The following RBMS3 variants were observed in gnomAD, a reference collection of about 807,000 sequenced individuals.
RBMS3 encodes the protein RNA-binding motif, single-stranded-interacting protein 3.
A neutral mutation model predicts 66.8 loss-of-function variants in RBMS3; 27 were observed. That is an observed-to-expected ratio of 0.40 (90% CI 0.30 to 0.56). RBMS3 has a LOEUF of 0.56. RBMS3 is among the 20% of genes least tolerant of loss of function. The pLI is 0.40. For missense variants in RBMS3, 513 were observed against 549.5 expected (o/e 0.93, Z 0.66); for synonymous variants, 188 against 183.0 (o/e 1.03, Z -0.22).
chr3:29,541,871 C>T (rs1270022318), intron 3 of RBMS3, among the ~76,000 whole-genome samples: 2 of 152,070 alleles, frequency 1.3e-5, no homozygotes, highest in African/African-American at 2.4e-5. Flanking sequence ...GCTTCAATGC[C>T]CCTCCTTGGT....
chr3:29,292,055 A>G (rs992704559), intron 1 of RBMS3, among the ~76,000 whole-genome samples: 2 of 151,694 alleles, frequency 1.3e-5, no homozygotes, highest in East Asian at 1.9e-4. Context: ...CCATCCCCCA[A>G]TGCTGGAGGG....
chr3:29,451,207 C>A (rs2042007929), intron 2 of RBMS3, among the ~76,000 whole-genome samples: 1 of 152,188 alleles, frequency 6.6e-6, no homozygotes, highest in African/African-American at 2.4e-5. Flanking sequence ...AGAACCAACA[C>A]TTTACAGAAA....
At chr3:29,403,377 T>A (rs1004082269) in intron 1 of RBMS3, among the ~76,000 whole-genome samples, 1 of 152,088 alleles carries the variant, frequency 6.6e-6, no homozygotes, top group African/African-American at 2.4e-5. Flanking sequence ...TCACTTTAAG[T>A]TGAGATGTGG....
intron 1 of RBMS3, among the ~76,000 whole-genome samples, chr3:29,404,357 T>C (rs2039928476): frequency 6.6e-6 from 1 of 152,128 alleles, no homozygotes; most frequent in Non-Finnish European, 1.5e-5. Context: ...AGTGAGAACA[T>C]ATTACATGAT....
chr3:29,858,068 TAAAC>T (rs2059125404), intron 6 of RBMS3, among the ~76,000 whole-genome samples: 2 of 152,106 alleles, frequency 1.3e-5, no homozygotes, highest in South Asian at 4.1e-4. Context: ...AAGAACTAAA[TAAAC>T]AAATTGGTAG....
intron 2 of RBMS3, among the ~76,000 whole-genome samples, chr3:29,443,147 T>C (rs1046965730): frequency 5.9e-5 from 9 of 152,112 alleles, no homozygotes; most frequent in Non-Finnish European, 1.3e-4. Flanking sequence ...CTTTAAGGGA[T>C]CCCACTATTC....
intron 6 of RBMS3, among the ~76,000 whole-genome samples, chr3:29,764,845 A>G (rs760105585): frequency 6.6e-5 from 10 of 152,006 alleles, no homozygotes; most frequent in African/African-American, 1.4e-4. Flanking sequence ...GCTACACCCA[A>G]TGGAAACATT....
intron 1 of RBMS3, among the ~76,000 whole-genome samples, chr3:29,364,492 A>G (rs2037785941): frequency 6.6e-6 from 1 of 152,192 alleles, no homozygotes; most frequent in South Asian, 2.1e-4. Flanking sequence ...TAAGAAGACA[A>G]CCTAAATATA....
At chr3:29,402,111 A>G (rs995828213) in intron 1 of RBMS3, among the ~76,000 whole-genome samples, 4 of 151,986 alleles carry the variant, frequency 2.6e-5, no homozygotes, top group South Asian at 2.1e-4. Context: ...GACTTTTTAC[A>G]TTGACGGTGA....
intron 2 of RBMS3, among the ~76,000 whole-genome samples, chr3:29,444,729 G>C (rs1463985790): frequency 7.1e-6 from 1 of 141,362 alleles, no homozygotes; most frequent in Non-Finnish European, 1.5e-5. Flanking sequence ...CAAGCTAAAA[G>C]CCATTTGAAG....
intron 4 of RBMS3, among the ~76,000 whole-genome samples, chr3:29,658,001 T>G (rs1294996133): frequency 6.6e-6 from 1 of 152,172 alleles, no homozygotes. Context: ...TGTCTGTCTT[T>G]AGGCCGTAGA....
intron 10 of RBMS3, among the ~76,000 whole-genome samples, chr3:29,907,755 C>G (rs1398443997): frequency 1.3e-5 from 2 of 151,734 alleles, no homozygotes; most frequent in Admixed American, 6.6e-5. Flanking sequence ...GGAATAATTC[C>G]TTTTTCTCTA....
intron 13 of RBMS3, among the ~76,000 whole-genome samples, chr3:29,990,513 A>C (rs1698782786): frequency 6.6e-6 from 1 of 151,860 alleles, no homozygotes; most frequent in Non-Finnish European, 1.5e-5. Context: ...ACCAAAATTA[A>C]GGACAAGTTT....
intron 4 of RBMS3, among the ~76,000 whole-genome samples, chr3:29,662,031 T>C (rs1391860639): frequency 4.6e-5 from 7 of 152,238 alleles, no homozygotes; most frequent in Non-Finnish European, 1.0e-4. Context: ...TTTATCATTT[T>C]ATTATAATTG....
intron 4 of RBMS3, among the ~76,000 whole-genome samples, chr3:29,696,154 GCATC>G (rs1208320566): frequency 6.6e-6 from 1 of 152,160 alleles, no homozygotes; most frequent in Non-Finnish European, 1.5e-5. Context: ...ACACTCACAG[GCATC>G]CAATTCAAGC....
chr3:29,813,369 TAAGA>T (rs1271568176), intron 6 of RBMS3, among the ~76,000 whole-genome samples: 1 of 152,194 alleles, frequency 6.6e-6, no homozygotes, highest in East Asian at 1.9e-4. Flanking sequence ...GATGTTTTAC[TAAGA>T]AAGTACTGAT....
chr3:29,324,499 C>A (rs144825424), intron 1 of RBMS3, among the ~76,000 whole-genome samples: 1 of 152,150 alleles, frequency 6.6e-6, no homozygotes, highest in Non-Finnish European at 1.5e-5. Flanking sequence ...TAACCTGGAA[C>A]GGCCATGTCC....
intron 3 of RBMS3, among the ~76,000 whole-genome samples, chr3:29,507,446 T>A (rs943813565): frequency 2.0e-5 from 3 of 152,076 alleles, no homozygotes; most frequent in Non-Finnish European, 4.4e-5. Flanking sequence ...GGAAAAATTG[T>A]TAAGACTCTG....
intron 14 of RBMS3, among the ~76,000 whole-genome samples, chr3:29,995,785 A>G (rs1476104052): frequency 6.6e-6 from 1 of 152,240 alleles, no homozygotes; most frequent in Admixed American, 6.5e-5. Flanking sequence ...CATGGAAAGG[A>G]ACAACCGGTA....
Sources: gnomAD v4.1 joint callset for allele counts (sites outside exome capture counted in the v4.1 genomes callset) on GRCh38, gnomAD v4.1.1 for gene constraint, MANE v1.5 for transcripts, NCBI Gene and HGNC (gene_info 2026-07-23, HGNC 2026-07-21) for gene names.